The following CLEC2A variants were observed in gnomAD, a reference collection of about 807,000 sequenced individuals.
CLEC2A encodes keratinocyte-associated C-type lectin.
In CLEC2A, 19 loss-of-function variants were observed where a neutral mutation model predicts 18.6. That is an observed-to-expected ratio of 1.02 (90% CI 0.71 to 1.50). CLEC2A has a LOEUF of 1.50. Among genes scored for constraint, CLEC2A ranks in the 40% most tolerant of loss-of-function variants. The pLI, the probability that CLEC2A is intolerant of heterozygous loss-of-function variation, is 0.00. For missense variants in CLEC2A, 190 were observed against 207.9 expected, an observed-to-expected ratio of 0.91 and a Z score of 0.53; for synonymous variants, 74 against 64.0, an observed-to-expected ratio of 1.16 and a Z score of -0.75.
intron 4 of CLEC2A, among the ~76,000 whole-genome samples, chr12:9,907,336 G>C (rs1247029189): frequency 1.3e-5 from 2 of 152,174 alleles, no homozygotes. Flanking sequence ...AAGATGGTCA[G>C]GTTTCCACTG....
chr12:9,898,313 A>T (rs1862780135), downstream of CLEC2A, among the ~76,000 whole-genome samples: 1 of 152,238 alleles, frequency 6.6e-6, no homozygotes, highest in African/African-American at 2.4e-5. Context: ...CTTCCTCGGG[A>T]AACTGACCCT....
the CLEC2A span, chr12:9,881,400 C>T: frequency 3.8e-6 from 2 of 521,108 alleles, no homozygotes; most frequent in Non-Finnish European, 6.8e-6. Flanking sequence ...TATTAACAAG[C>T]TTATATCCAT....
downstream of CLEC2A, among the ~76,000 whole-genome samples, chr12:9,909,506 G>T (rs1862951215): frequency 6.6e-6 from 1 of 152,162 alleles, no homozygotes; most frequent in East Asian, 1.9e-4. Flanking sequence ...TCACCGACCT[G>T]ATCTGCCACT....
intron 3 of CLEC2A, among the ~76,000 whole-genome samples, chr12:9,918,021 C>T (rs1167526350): frequency 6.6e-6 from 1 of 152,140 alleles, no homozygotes; most frequent in African/African-American, 2.4e-5. Flanking sequence ...GCATAGCTTG[C>T]AAAAGTTTTC....
chr12:9,927,031 G>A (rs2137054655), intron 1 of CLEC2A, among the ~76,000 whole-genome samples: 1 of 152,018 alleles, frequency 6.6e-6, no homozygotes. Context: ...GTGCGTGTAT[G>A]TGTGTGTCTG....
At chr12:9,904,503 C>T (rs1217231800) in intron 4 of CLEC2A, among the ~76,000 whole-genome samples, 1 of 152,314 alleles carries the variant, frequency 6.6e-6, no homozygotes, top group East Asian at 1.9e-4. Flanking sequence ...TTTACCTCTA[C>T]AACCATTACC....
chr12:9,882,918 G>T, the CLEC2A span, among the ~76,000 whole-genome samples: 12 of 152,216 alleles, frequency 7.9e-5, no homozygotes, highest in Non-Finnish European at 1.3e-4. Context: ...GCTTTTATGT[G>T]GATGTTAAAC....
chr12:9,925,637 A>G (rs1464819279), intron 2 of CLEC2A, among the ~76,000 whole-genome samples: 3 of 137,668 alleles, frequency 2.2e-5, no homozygotes, highest in Non-Finnish European at 4.7e-5. Flanking sequence ...ACAAGCCCAT[A>G]GAACTGATGT....
At chr12:9,928,495 G>A (rs61913474) in intron 1 of CLEC2A, among the ~76,000 whole-genome samples, 1 of 151,008 alleles carries the variant, frequency 6.6e-6, no homozygotes, top group Admixed American at 6.6e-5. Context: ...GAAAGAAGAA[G>A]GAAAGAAAGA....
chr12:9,906,794 T>C (rs1479224669), intron 4 of CLEC2A, among the ~76,000 whole-genome samples: 1 of 152,220 alleles, frequency 6.6e-6, no homozygotes, highest in African/African-American at 2.4e-5. Flanking sequence ...GAAAGGTGTG[T>C]CTTCTAAATC....
downstream of CLEC2A, among the ~76,000 whole-genome samples, chr12:9,896,083 TTTTAATAGTTA>T (rs1862752997): frequency 6.6e-6 from 1 of 152,242 alleles, no homozygotes; most frequent in Non-Finnish European, 1.5e-5. Context: ...TTAGTAATTA[TTTTAATAGTTA>T]TTTAATAGTT....
At chr12:9,923,028 G>GTT (rs1477389779) in intron 2 of CLEC2A, among the ~76,000 whole-genome samples, 5 of 152,054 alleles carry the variant, frequency 3.3e-5, no homozygotes, top group Non-Finnish European at 7.4e-5. Flanking sequence ...TTTTTGTTGT[G>GTT]TTTTGTTTTG....
At chr12:9,906,391 A>G (rs895863710) in intron 4 of CLEC2A, among the ~76,000 whole-genome samples, 4 of 152,192 alleles carry the variant, frequency 2.6e-5, no homozygotes, top group Non-Finnish European at 5.9e-5. Context: ...TCTGACTTTC[A>G]AAGGAAAAGC....
the CLEC2A span, among the ~76,000 whole-genome samples, chr12:9,887,694 C>A: frequency 6.7e-6 from 1 of 149,808 alleles, no homozygotes; most frequent in Non-Finnish European, 1.5e-5. Flanking sequence ...AACTAGGAAG[C>A]TGAAGGAACT....
At chr12:9,904,056 A>G (rs1299927006) in intron 4 of CLEC2A, among the ~76,000 whole-genome samples, 1 of 152,234 alleles carries the variant, frequency 6.6e-6, no homozygotes, top group Non-Finnish European at 1.5e-5. Flanking sequence ...TCCACTTGGC[A>G]ATGGATCAGG....
intron 2 of CLEC2A, 30 bp downstream of exon 2, chr12:9,926,230 C>T (rs11053513): frequency 0.015 from 19,331 of 1,301,430 alleles, 179 homozygotes; most frequent in Non-Finnish European, 0.018. Flanking sequence ...AGTGAAGAAC[C>T]ATAGAAAGTG....
downstream of CLEC2A, among the ~76,000 whole-genome samples, chr12:9,897,468 C>G (rs1279263277): frequency 6.6e-6 from 1 of 151,896 alleles, no homozygotes; most frequent in African/African-American, 2.4e-5. Context: ...CAGCTGAAAT[C>G]CAGGTTCTTG....
At chr12:9,897,663 G>A (rs897143739), downstream of CLEC2A, among the ~76,000 whole-genome samples, 1 of 151,920 alleles carries the variant, frequency 6.6e-6, no homozygotes, top group East Asian at 1.9e-4. Context: ...GGCTCCTCCT[G>A]CCCGCATAAG....
At chr12:9,904,953 C>T (rs1455571468) in intron 4 of CLEC2A, among the ~76,000 whole-genome samples, 3 of 152,156 alleles carry the variant, frequency 2.0e-5, no homozygotes, top group Non-Finnish European at 1.5e-5. Flanking sequence ...TTGGTTGACT[C>T]AATACGGTAT....
Sources: gnomAD v4.1 joint callset for allele counts (sites outside exome capture counted in the v4.1 genomes callset) on GRCh38, gnomAD v4.1.1 for gene constraint, MANE v1.5 for transcripts, NCBI Gene and HGNC (gene_info 2026-07-23, HGNC 2026-07-21) for gene names.